ITPR2: variants seen among roughly 807,000 people sequenced by gnomAD.
ITPR2 encodes the protein inositol 1,4,5-trisphosphate-gated calcium channel ITPR2.
Under a neutral mutation model 317.1 loss-of-function variants are expected in ITPR2, and 207 were observed. That is an observed-to-expected ratio of 0.65 (90% CI 0.58 to 0.73). The LOEUF (loss-of-function observed/expected upper bound fraction) is 0.73, where lower values mean the gene tolerates loss of function less well. Among genes scored for constraint, ITPR2 ranks in the 30% least tolerant of loss-of-function variants. The pLI, the probability that ITPR2 is intolerant of heterozygous loss-of-function variation, is 0.00. For missense variants in ITPR2, 2,613 were observed against 3,284.0 expected (o/e 0.80, Z 4.99); for synonymous variants, 1,156 against 1,149.1 (o/e 1.01, Z -0.12).
chr12:26,597,725 A>C (rs1201051005), intron 30 of ITPR2, among the ~76,000 whole-genome samples: 1 of 152,258 alleles, frequency 6.6e-6, no homozygotes, highest in Non-Finnish European at 1.5e-5. Context: ...CTTTTAAGAC[A>C]TAAATTTTCC....
intron 2 of ITPR2, among the ~76,000 whole-genome samples, chr12:26,762,151 G>C (rs1039444042): frequency 6.6e-6 from 1 of 151,926 alleles, no homozygotes; most frequent in African/African-American, 2.4e-5. Flanking sequence ...AAGGAATAGA[G>C]AAAGAAAAAG....
chr12:26,626,212 C>G lies in ITPR2; in HGVS notation c.3064+1821G>C, dbSNP rs186119403. 6.5e-3 allele frequency among the ~76,000 whole-genome samples: 984 copies of G among 152,256 alleles called. 13 individuals are homozygous for G. Among genetic ancestry groups the G allele is most frequent in the African/African-American group, 0.023 (940 of 41,542 alleles). Reference sequence around the variant, plus strand: ...ACTCCTGGGCTCAACCAATCCGCCCCCTTCGGCCTCCCAAAGTGTTGGGAT... The same window carrying G: ...ACTCCTGGGCTCAACCAATCCGCCCGCTTCGGCCTCCCAAAGTGTTGGGAT... On this transcript the variant is annotated intron_variant, in intron 23 of 56. Coordinates refer to ENST00000381340, the MANE Select transcript of ITPR2 (RefSeq NM_002223.4).
chr12:26,594,300 T>TA lies in ITPR2; in HGVS notation c.4380+1164dup, dbSNP rs72149099. ...ATTTCACTTGGAAACCCTGGCTAAATAAAAAGAGTCCGTGGTCTGGAATAA... is the reference window on the plus strand; with the variant it reads ...ATTTCACTTGGAAACCCTGGCTAAATAAAAAAGAGTCCGTGGTCTGGAATAA... On this transcript the variant is annotated intron_variant, in intron 32 of 56. Coordinates refer to ENST00000381340, the MANE Select transcript of ITPR2 (RefSeq NM_002223.4). 9.6e-3 allele frequency among the ~76,000 whole-genome samples: 1,456 copies of TA among 151,920 alleles called. 28 individuals are homozygous for TA. The highest frequency in any genetic ancestry group is 0.033 in the African/African-American group (1,369 of 41,416).
chr12:26,349,854 G>C lies in ITPR2; in HGVS notation c.7858-9526C>G, dbSNP rs538247713. Among the ~76,000 whole-genome samples, 525 of 152,350 alleles carry C rather than the reference G, an allele frequency of 3.4e-3. 4 individuals are homozygous for C. Among genetic ancestry groups the C allele is most frequent in the Middle Eastern group, 3.4e-3 (1 of 294 alleles). Reference sequence around the variant, plus strand: ...GCTCCCAATGGCAGAGGGAAAAAGAGTCTCCATGAAAGTGCCCATGAAGGA... The same window carrying C: ...GCTCCCAATGGCAGAGGGAAAAAGACTCTCCATGAAAGTGCCCATGAAGGA... On this transcript the variant is annotated intron_variant, in intron 55 of 56. Coordinates refer to ENST00000381340, the MANE Select transcript of ITPR2 (RefSeq NM_002223.4).
intron 49 of ITPR2, among the ~76,000 whole-genome samples, chr12:26,420,525 T>C (rs994722401): frequency 2.0e-5 from 3 of 152,164 alleles, no homozygotes; most frequent in African/African-American, 7.2e-5. Flanking sequence ...GGGTTACTAT[T>C]ACATGTTTTG....
At chr12:26,350,013 C>A (rs1938430809) in intron 55 of ITPR2, among the ~76,000 whole-genome samples, 1 of 152,128 alleles carries the variant, frequency 6.6e-6, no homozygotes, top group South Asian at 2.1e-4. Context: ...ATAGGCAGCA[C>A]AGCCATGATG....
intron 2 of ITPR2, among the ~76,000 whole-genome samples, chr12:26,772,999 G>T (rs1949899893): frequency 6.6e-6 from 1 of 152,032 alleles, no homozygotes; most frequent in Non-Finnish European, 1.5e-5. Flanking sequence ...GTGAGAACAT[G>T]TGGTGTTTGG....
chr12:26,694,898 G>T (rs1268017839), intron 10 of ITPR2, among the ~76,000 whole-genome samples: 1 of 152,066 alleles, frequency 6.6e-6, no homozygotes, highest in African/African-American at 2.4e-5. Context: ...CGTAAGCCTG[G>T]CAGTCAGACA....
intron 26 of ITPR2, among the ~76,000 whole-genome samples, chr12:26,611,778 G>A (rs1424672103): frequency 6.6e-6 from 1 of 152,166 alleles, no homozygotes; most frequent in African/African-American, 2.4e-5. Context: ...AACGTAAAGG[G>A]TAATCCTGAC....
chr12:26,828,758 A>C (rs532172868), intron 1 of ITPR2, among the ~76,000 whole-genome samples: 1 of 152,366 alleles, frequency 6.6e-6, no homozygotes, highest in East Asian at 1.9e-4. Flanking sequence ...AAAATACATC[A>C]GTTTAAATTA....
chr12:26,436,765 T>TA (rs1941361309), intron 47 of ITPR2, among the ~76,000 whole-genome samples: 1 of 78,826 alleles, frequency 1.3e-5, no homozygotes, highest in Non-Finnish European at 3.3e-5. Flanking sequence ...TAAAGTCAAA[T>TA]AAAAAAACTC....
intron 39 of ITPR2, among the ~76,000 whole-genome samples, chr12:26,490,431 T>C (rs1011140187): frequency 6.6e-6 from 1 of 152,214 alleles, no homozygotes; most frequent in Non-Finnish European, 1.5e-5. Flanking sequence ...ACACAAGGGG[T>C]ACAAAGATGA....
intron 54 of ITPR2, among the ~76,000 whole-genome samples, chr12:26,392,724 G>T (rs1372626531): frequency 6.6e-6 from 1 of 152,188 alleles, no homozygotes. Flanking sequence ...AATCAGTAAT[G>T]ACTCTGAATT....
At chr12:26,580,225 C>T in intron 32 of ITPR2, 70 bp from the exon 33 acceptor site, 1 of 1,411,862 alleles carries the variant, frequency 7.1e-7, no homozygotes, top group Non-Finnish European at 9.6e-7. Context: ...ATTGGAACCA[C>T]CTAAAAATTG....
intron 16 of ITPR2, among the ~76,000 whole-genome samples, chr12:26,658,385 C>T (rs1002935204): frequency 1.3e-5 from 2 of 151,974 alleles, no homozygotes; most frequent in African/African-American, 4.8e-5. Context: ...GATATTCCAC[C>T]CACAGCACCG....
At chr12:26,547,448 T>C (rs1289571772) in intron 37 of ITPR2, among the ~76,000 whole-genome samples, 3 of 152,332 alleles carry the variant, frequency 2.0e-5, no homozygotes, top group South Asian at 4.1e-4. Flanking sequence ...CAAACCTTAC[T>C]GGTGGGAATG....
intron 37 of ITPR2, among the ~76,000 whole-genome samples, chr12:26,497,642 C>A (rs1942970357): frequency 6.6e-6 from 1 of 152,094 alleles, no homozygotes. Flanking sequence ...ATGTGATCAT[C>A]AGACAGACCT....
At chr12:26,371,348 C>G (rs562820371) in intron 55 of ITPR2, among the ~76,000 whole-genome samples, 46 of 152,146 alleles carry the variant, frequency 3.0e-4, no homozygotes, top group Non-Finnish European at 4.7e-4. Flanking sequence ...TTATTTCATT[C>G]ATTTACTCAA....
intron 37 of ITPR2, among the ~76,000 whole-genome samples, chr12:26,546,193 T>C (rs77493694): frequency 0.031 from 4,759 of 152,284 alleles, 188 homozygotes; most frequent in African/African-American, 0.087. Flanking sequence ...TATAAATGTG[T>C]AGTGATCAAG....
Sources: gnomAD v4.1 joint callset for allele counts (sites outside exome capture counted in the v4.1 genomes callset) on GRCh38, gnomAD v4.1.1 for gene constraint, MANE v1.5 for transcripts, NCBI Gene and HGNC (gene_info 2026-07-23, HGNC 2026-07-21) for gene names.